The following GRID1 variants were observed in gnomAD, a reference collection of about 807,000 sequenced individuals.
GRID1 encodes glutamate receptor ionotropic, delta-1.
Under a neutral mutation model 98.0 loss-of-function variants are expected in GRID1, and 28 were observed. The ratio of observed to expected loss-of-function variants is 0.29; its 90% CI spans 0.21 to 0.39. The LOEUF (loss-of-function observed/expected upper bound fraction) is 0.39. GRID1 is among the 10% of genes least tolerant of loss of function. GRID1 has a pLI of 1.00. For missense variants in GRID1, 1,111 were observed against 1,340.5 expected, an observed-to-expected ratio of 0.83 and a Z score of 2.67; for synonymous variants, 553 against 538.5, an observed-to-expected ratio of 1.03 and a Z score of -0.37.
chr10:86,269,721 G>T (rs891958447), intron 2 of GRID1, among the ~76,000 whole-genome samples: 3 of 152,172 alleles, frequency 2.0e-5, no homozygotes, highest in African/African-American at 4.8e-5. Context: ...GACTTCTGAG[G>T]CAGATTGGCA....
At chr10:85,992,959 A>T (rs183731625) in intron 4 of GRID1, among the ~76,000 whole-genome samples, 1 of 152,292 alleles carries the variant, frequency 6.6e-6, no homozygotes, top group East Asian at 1.9e-4. Flanking sequence ...GTCTCTAAAA[A>T]ATAACAATTT....
chr10:85,695,026 T>C (rs546657915), intron 12 of GRID1, among the ~76,000 whole-genome samples: 3 of 152,126 alleles, frequency 2.0e-5, no homozygotes, highest in Non-Finnish European at 4.4e-5. Flanking sequence ...AGAACTCTAC[T>C]ACTTTCCAGT....
At chr10:85,957,158 C>G (rs547647747) in intron 4 of GRID1, among the ~76,000 whole-genome samples, 24 of 152,264 alleles carry the variant, frequency 1.6e-4, no homozygotes, top group African/African-American at 5.3e-4. Flanking sequence ...GGTCCCTCCC[C>G]CAACACGTGG....
At chr10:85,728,168 G>A in intron 9 of GRID1, 116 bp from the exon 10 acceptor site, 1 of 790,718 alleles carries the variant, frequency 1.3e-6, no homozygotes, top group Non-Finnish European at 2.2e-6. Context: ...CCCAATTTAG[G>A]ACTTCAGGCT....
At chr10:85,913,201 C>T (rs1344503778) in intron 5 of GRID1, among the ~76,000 whole-genome samples, 1 of 152,148 alleles carries the variant, frequency 6.6e-6, no homozygotes, top group African/African-American at 2.4e-5. Flanking sequence ...CATACCTGAC[C>T]CCCACTGACT....
At chr10:86,209,859 T>C (rs1846082715) in intron 2 of GRID1, among the ~76,000 whole-genome samples, 1 of 152,058 alleles carries the variant, frequency 6.6e-6, no homozygotes, top group Admixed American at 6.5e-5. Flanking sequence ...CCCCACTCCA[T>C]ATATGTCAGG....
intron 4 of GRID1, among the ~76,000 whole-genome samples, chr10:86,020,556 C>A (rs1307974283): frequency 6.6e-6 from 1 of 152,204 alleles, no homozygotes; most frequent in Admixed American, 6.5e-5. Context: ...CAATTTCCTG[C>A]CTATTAAAAT....
rs906552092 is a variant in GRID1 at position 86,107,891 on chromosome 10, C to A, written c.726+30928G>T. Among the ~76,000 whole-genome samples the A allele has an allele frequency of 1.1e-4, 17 of 152,288 alleles. No individual in the cohort carries two copies. In the East Asian group the frequency reaches 3.3e-3, roughly 29 times the overall value. ...GGAAAACCATCTCCCTTCTTGCTCC[C>A]CCATCTGCTGAGAGCCACTCCCACT... On this transcript the variant is annotated intron_variant, in intron 4 of 15. Coordinates refer to ENST00000327946, the MANE Select transcript of GRID1 (RefSeq NM_017551.3).
At chr10:85,640,347 T>G (rs948490751) in intron 13 of GRID1, among the ~76,000 whole-genome samples, 17 of 152,168 alleles carry the variant, frequency 1.1e-4, no homozygotes, top group African/African-American at 4.1e-4. Context: ...AGAACAGAAT[T>G]TCTTGGATCA....
At chr10:86,337,557 G>A (rs1848240636) in intron 2 of GRID1, among the ~76,000 whole-genome samples, 1 of 152,134 alleles carries the variant, frequency 6.6e-6, no homozygotes, top group Admixed American at 6.5e-5. Context: ...AAACCACAAG[G>A]GAGAACCCCA....
At chr10:86,329,233 C>T (rs1290588121) in intron 2 of GRID1, among the ~76,000 whole-genome samples, 3 of 152,244 alleles carry the variant, frequency 2.0e-5, no homozygotes, top group Non-Finnish European at 4.4e-5. Context: ...TGACCACAGA[C>T]ATGCATGCTG....
intron 2 of GRID1, among the ~76,000 whole-genome samples, chr10:86,324,693 A>G (rs546828167): frequency 6.6e-6 from 1 of 152,354 alleles, no homozygotes; most frequent in South Asian, 2.1e-4. Context: ...AACAAGAAAC[A>G]CAAAATAAAA....
At chr10:85,724,281 A>T in intron 11 of GRID1, 71 bp downstream of exon 11, 1 of 1,216,980 alleles carries the variant, frequency 8.2e-7, no homozygotes, top group South Asian at 1.5e-5. Flanking sequence ...AATGCACCTG[A>T]GAACTTTGCC....
At chr10:85,938,056 C>A (rs908989506) in intron 4 of GRID1, among the ~76,000 whole-genome samples, 1 of 152,162 alleles carries the variant, frequency 6.6e-6, no homozygotes, top group African/African-American at 2.4e-5. Context: ...ATTTGACAAG[C>A]CTTTGAGCTT....
chr10:86,297,902 A>G (rs7094105), intron 2 of GRID1, among the ~76,000 whole-genome samples: 24,679 of 152,160 alleles, frequency 0.16, 2,110 homozygotes, highest in South Asian at 0.23. Context: ...AAAATGAAAA[A>G]CAAAGGCTTA....
At chr10:85,626,968 T>C (rs540983594) in intron 13 of GRID1, among the ~76,000 whole-genome samples, 14 of 152,256 alleles carry the variant, frequency 9.2e-5, no homozygotes, top group African/African-American at 3.1e-4. Context: ...TATTCAATTT[T>C]CAAAAAATGT....
chr10:85,604,272 A>G (rs1337260554), intron 15 of GRID1, among the ~76,000 whole-genome samples: 1 of 152,220 alleles, frequency 6.6e-6, no homozygotes, highest in Non-Finnish European at 1.5e-5. Context: ...ACCTGCTGTC[A>G]GTCCTAGAAT....
chr10:85,894,066 A>G lies in GRID1; in HGVS notation c.780+22120T>C, dbSNP rs570311658. ...TCCTCTTGATTTCAAAGTTAACTGT[A>G]ATGCTACAGTTATTGAGATAGTGTG... On this transcript the variant is annotated intron_variant, in intron 5 of 15. Coordinates refer to ENST00000327946, the MANE Select transcript of GRID1 (RefSeq NM_017551.3). Among the ~76,000 whole-genome samples, 3 of 152,326 alleles carry G rather than the reference A, an allele frequency of 2.0e-5. No individual in the cohort carries two copies. The South Asian group carries it at 6.2e-4, about 32-fold the overall frequency.
intron 14 of GRID1, among the ~76,000 whole-genome samples, chr10:85,617,764 C>T (rs1181203430): frequency 6.6e-6 from 1 of 152,210 alleles, no homozygotes; most frequent in Non-Finnish European, 1.5e-5. Flanking sequence ...CTGGACTAGC[C>T]ACATTTGATT....
Sources: gnomAD v4.1 joint callset for allele counts (sites outside exome capture counted in the v4.1 genomes callset) on GRCh38, gnomAD v4.1.1 for gene constraint, MANE v1.5 for transcripts, NCBI Gene and HGNC (gene_info 2026-07-23, HGNC 2026-07-21) for gene names.